Variants in SOX3 observed in about 807,000 individuals in gnomAD.
SOX3 encodes transcription factor SOX-3.
In SOX3, 2 loss-of-function variants were observed where a neutral mutation model predicts 4.6. That is an observed-to-expected ratio of 0.43 (90% CI 0.18 to 1.36). The LOEUF (loss-of-function observed/expected upper bound fraction) is 1.36. Ranked by LOEUF, SOX3 falls within the 40% of genes most tolerant of loss-of-function variation. SOX3 has a pLI of 0.28. For synonymous variants in SOX3, 244 were observed against 215.9 expected (o/e 1.13, Z -1.14); for missense variants, 326 against 441.9 (o/e 0.74, Z 2.35).
chrX:140,503,606 T>C lies in SOX3; in HGVS notation c.*114A>G, dbSNP rs953627076. On this transcript the variant is annotated 3_prime_UTR_variant, in exon 1 of 1. Transcript: ENST00000370536. ...AACTTTCAGCCCTCCCCATCATCGG[T>C]ACAAGGCAACAGTCCCAGGCAAGCA... The C allele has an allele frequency of 2.4e-6, 2 of 817,338 alleles. No individual in the cohort carries two copies. The highest frequency in any genetic ancestry group is 2.3e-5 in the African/African-American group (1 of 43,431). 67.4% of individuals were successfully genotyped at this position (817,338 alleles called of 1,213,427 possible).
In SOX3 at chrX:140,503,405, C is replaced by T. The variant is rs185667392; in HGVS notation, c.*315G>A. ...AACATTTTCAAATGTAACAGAATAA[C>T]CCTGGAACTCAGGAGGAGGAGTGGG... On this transcript the variant is annotated 3_prime_UTR_variant, in exon 1 of 1. Transcript: ENST00000370536. 1.8e-4 allele frequency: 44 copies of T among 245,487 alleles called. No homozygotes were observed. Among genetic ancestry groups the T allele is most frequent in the African/African-American group, 1.2e-3 (42 of 35,677 alleles). 20.2% of individuals were successfully genotyped at this position (245,487 alleles called of 1,213,427 possible).
rs1470104956 is a variant in SOX3 at position 140,503,963 on chromosome X, G to A, written c.1098C>T (p.Ser366=). 5.6e-6 allele frequency: 6 copies of A among 1,065,957 alleles called. No individual in the cohort carries two copies. Among genetic ancestry groups the A allele is most frequent in the Admixed American group, 3.5e-5 (1 of 28,474 alleles). The allele number at this position is 1,065,957 out of a possible 1,213,427, so 87.8% of individuals were successfully genotyped here. ...AAAAAAAAAM[S]LGPMGSVVKS... The stretch of plus-strand genomic sequence containing the variant: ...TCACTACCGAGCCCATGGGGCCCAG[G>A]CTCATGGCGGCTGCGGCCGCAGCTG... The change falls in exon 1 of 1, where the codon AGC becomes AGT. Residue 366 remains serine (S), a synonymous_variant. Coordinates refer to ENST00000370536, the MANE Select transcript of SOX3 (RefSeq NM_005634.3).
chrX:140,504,869 G>A lies in SOX3; in HGVS notation c.192C>T (p.Pro64=). 8.5e-7 allele frequency: 1 copy of A among 1,171,354 alleles called. No individual in the cohort carries two copies. The highest frequency in any genetic ancestry group is 1.1e-6 in the Non-Finnish European group (1 of 874,897). Reference sequence around the variant, plus strand: ...CGGGAAGAAGGTGCGCCAGCGTGGCGGGAGGAGAAGGCGCTCCCGGGGCTG... The same window carrying A: ...CGGGAAGAAGGTGCGCCAGCGTGGCAGGAGGAGAAGGCGCTCCCGGGGCTG... ...AAPAPGAPSP[P]ATLAHLLPAP... The change falls in exon 1 of 1, where the codon CCC becomes CCT. Residue 64 remains proline (P), a synonymous_variant. Coordinates refer to ENST00000370536, the MANE Select transcript of SOX3 (RefSeq NM_005634.3).
Position 140,504,145 on chromosome X carries a change from C to A in SOX3, c.916G>T (p.Gly306Cys). 2.8e-6 allele frequency: 3 copies of A among 1,061,048 alleles called. No individual in the cohort carries two copies. Among genetic ancestry groups the A allele is most frequent in the Non-Finnish European group, 2.4e-6 (2 of 824,555 alleles). The allele number at this position is 1,061,048 out of a possible 1,213,427, so 87.4% of individuals were successfully genotyped here. Residue 306 changes from glycine (G) to cysteine (C), a missense_variant, in exon 1 of 1, where the codon GGC (glycine) becomes TGC (cysteine). Around this residue, in one of 6 missense-constraint regions of SOX3, gnomAD observed 78 missense variants for 70.3 expected, o/e 1.11. Transcript: ENST00000370536. ...GGCATCATTGGGCTGTACTGCAGGC[C>A]GGCCATGTCGTAGCGGTGCATCGGC... ...LPPMHRYDMA[G>C]LQYSPMMPPG...
Position 140,504,659 on chromosome X carries a change from T to C in SOX3, c.402A>G (p.Thr134=), listed in dbSNP as rs202223988. The C allele has an allele frequency of 9.9e-6, 12 of 1,207,772 alleles. No individual in the cohort carries two copies. The Admixed American group carries it at 2.0e-4, about 20-fold the overall frequency. ...SGGASGGGGG[T]DQDRVKRPMN... is the part of the protein sequence containing the mutation. ...TGGGCCGTTTCACACGGTCCTGGTC[T>C]GTACCCCCGCCACCTCCGCTCGCAC... is the stretch of plus-strand genomic sequence containing the variant. Residue 134 remains threonine, a synonymous_variant, in exon 1 of 1, where the codon ACA becomes ACG. Coordinates refer to ENST00000370536, the MANE Select transcript of SOX3 (RefSeq NM_005634.3).
At position 140,504,335 on chromosome X, in the gene SOX3, CGCGGCAGCGGCG is replaced by C; in HGVS notation, c.714_725del (p.Ala245_Ala248del). 1 of 1,073,326 alleles carries C rather than the reference CGCGGCAGCGGCG, an allele frequency of 9.3e-7. No homozygotes were observed. Among genetic ancestry groups the C allele is most frequent in the Non-Finnish European group, 1.2e-6 (1 of 832,481 alleles). The allele number at this position is 1,073,326 out of a possible 1,213,427, so 88.5% of individuals were successfully genotyped here. ...GACTGCTGGCGGCAGCGGCTGCGGC[CGCGGCAGCGGCG>C]GCGGCGGCCGCGGCACCGGGAGGCA... On this transcript the variant is annotated inframe_deletion, in exon 1 of 1. Transcript: ENST00000370536.
Position 140,503,748 on chromosome X carries a change from T to C in SOX3, c.1313A>G (p.Asn438Ser). ...QHYQGAGTAV[N>S]GTVPLTHI ...GATGTGGGTCAGCGGCACCGTTCCG[T>C]TGACTGCAGTCCCGGCGCCCTGGTA... Residue 438 changes from asparagine to serine, a missense_variant, in exon 1 of 1, where the codon AAC becomes AGC. Coordinates refer to ENST00000370536, the MANE Select transcript of SOX3 (RefSeq NM_005634.3). 1 of 1,174,030 alleles carries C rather than the reference T, an allele frequency of 8.5e-7. No homozygotes were observed. Among genetic ancestry groups the C allele is most frequent in the South Asian group, 1.9e-5 (1 of 52,970 alleles).
Position 140,504,207 on chromosome X carries a change from G to T in SOX3, c.854C>A (p.Pro285Gln). ...VQEQLGYAQPPSMSSPPPPPA... is the reference protein window; with the variant it reads ...VQEQLGYAQPQSMSSPPPPPA... The stretch of plus-strand genomic sequence containing the variant: ...CGGCGGCGGCGGGCTGCTCATGCTC[G>T]GGGGCTGCGCGTAGCCCAGCTGCTC... The change falls in exon 1 of 1, where the codon CCG becomes CAG. Residue 285 changes from proline (P) to glutamine (Q), a missense_variant. Transcript: ENST00000370536. The T allele has an allele frequency of 9.1e-7, 1 of 1,099,828 alleles. No individual in the cohort carries two copies. 90.6% of individuals were successfully genotyped at this position (1,099,828 alleles called of 1,213,427 possible). A position where few individuals can be genotyped will look rare whatever the true frequency, so the allele number is the denominator to read the frequency against.
In SOX3 at chrX:140,503,824, C is replaced by T. The variant is rs1206078069; in HGVS notation, c.1237G>A (p.Asp413Asn). ...CCGCCGGGCAGCGGAGAGGCGGCGT[C>T]GGCCGCGTCCCCGCCGGGTGGCAGG... ...MYLPPGGDAA[D>N]AASPLPGGRL... The change falls in exon 1 of 1, where the codon GAC becomes AAC. Residue 413 changes from aspartate to asparagine, a missense_variant. Physicochemically the swap from Asp to Asn is conservative, Grantham distance 23 (BLOSUM62 1). Around this residue, in one of 6 missense-constraint regions of SOX3, gnomAD observed 64 missense variants for 104.5 expected, o/e 0.61. Coordinates refer to ENST00000370536, the MANE Select transcript of SOX3 (RefSeq NM_005634.3). 4 of 1,179,273 alleles carry T rather than the reference C, an allele frequency of 3.4e-6. No individual in the cohort carries two copies. The highest frequency in any genetic ancestry group is 3.5e-5 in the African/African-American group (2 of 57,167).
Position 140,504,905 on chromosome X carries a change from G to T in SOX3, c.156C>A (p.Thr52=). 1 of 1,184,043 alleles carries T rather than the reference G, an allele frequency of 8.4e-7. No homozygotes were observed. The highest frequency in any genetic ancestry group is 1.1e-6 in the Non-Finnish European group (1 of 881,891). The change falls in exon 1 of 1, where the codon ACC becomes ACA. Residue 52 remains threonine (T), a synonymous_variant. Transcript: ENST00000370536. ...SAPTESQGLF[T]VAAPAPGAPS... ...GCGCTCCCGGGGCTGGAGCGGCCAC[G>T]GTGAAAAGGCCCTGGGACTCCGTCG...
rs1927326468 is a variant in SOX3 at position 140,504,323 on chromosome X, A to AGCGGCTGCGGCC, written c.726_737dup (p.Ala245_Ala248dup). 3 of 1,046,724 alleles carry AGCGGCTGCGGCC rather than the reference A, an allele frequency of 2.9e-6. No homozygotes were observed. Among genetic ancestry groups the AGCGGCTGCGGCC allele is most frequent in the Admixed American group, 4.9e-5 (1 of 20,213 alleles). The allele number at this position is 1,046,724 out of a possible 1,213,427, so 86.3% of individuals were successfully genotyped here. A position where few individuals can be genotyped will look rare whatever the true frequency, so the allele number is the denominator to read the frequency against. ...CCACGCCCACCGGACTGCTGGCGGC[A>AGCGGCTGCGGCC]GCGGCTGCGGCCGCGGCAGCGGCGG... is the stretch of plus-strand genomic sequence containing the variant. On this transcript the variant is annotated inframe_insertion, in exon 1 of 1. Coordinates refer to ENST00000370536, the MANE Select transcript of SOX3 (RefSeq NM_005634.3).
At position 140,503,538 on chromosome X, in the gene SOX3, T is replaced by C; in HGVS notation, c.*182A>G. ...CTAGAAGTCCCATTTTCGCTGCTCC[T>C]GACTTATTTTTGCTTTTGTACAAAA... On this transcript the variant is annotated 3_prime_UTR_variant, in exon 1 of 1. Transcript: ENST00000370536. The C allele has an allele frequency of 2.2e-6, 1 of 450,670 alleles. No homozygotes were observed. The highest frequency in any genetic ancestry group is 3.7e-6 in the Non-Finnish European group (1 of 272,397). 37.1% of individuals were successfully genotyped at this position (450,670 alleles called of 1,213,427 possible).
Position 140,504,010 on chromosome X carries a change from G to A in SOX3, c.1051C>T (p.Gln351Ter). The stretch of plus-strand genomic sequence containing the variant: ...GCTGCGGCCGCGGCGGTGGCGGGCT[G>A]CTGCCCGTAGGCGGCGGCCGCGGCT... ...TAAAAAAYGQQPATAAAAAAA... is the reference protein window; with the variant it reads ...TAAAAAAYGQ Residue 351 changes from glutamine (Q) to a stop codon, truncating the protein, a stop_gained, in exon 1 of 1, where the codon CAG becomes TAG. Transcript: ENST00000370536. LOFTEE classifies it high-confidence loss of function. 1 of 981,124 alleles carries A rather than the reference G, an allele frequency of 1.0e-6. No individual in the cohort carries two copies. The highest frequency in any genetic ancestry group is 1.3e-6 in the Non-Finnish European group (1 of 782,313). 80.9% of individuals were successfully genotyped at this position (981,124 alleles called of 1,213,427 possible). A position where few individuals can be genotyped will look rare whatever the true frequency, so the allele number is the denominator to read the frequency against.
chrX:140,503,972 G>T lies in SOX3; in HGVS notation c.1089C>A (p.Ala363=). 9.5e-7 allele frequency: 1 copy of T among 1,050,495 alleles called. No individual in the cohort carries two copies. The highest frequency in any genetic ancestry group is 1.2e-6 in the Non-Finnish European group (1 of 821,834). The allele number at this position is 1,050,495 out of a possible 1,213,427, so 86.6% of individuals were successfully genotyped here. A position where few individuals can be genotyped will look rare whatever the true frequency, so the allele number is the denominator to read the frequency against. The change falls in exon 1 of 1, where the codon GCC becomes GCA. Residue 363 remains alanine (A), a synonymous_variant. Coordinates refer to ENST00000370536, the MANE Select transcript of SOX3 (RefSeq NM_005634.3). Reference sequence around the variant, plus strand: ...AGCCCATGGGGCCCAGGCTCATGGCGGCTGCGGCCGCAGCTGCGGCCGCGG... The same window carrying T: ...AGCCCATGGGGCCCAGGCTCATGGCTGCTGCGGCCGCAGCTGCGGCCGCGG... The part of the protein sequence containing the change: ...ATAAAAAAAA[A]AMSLGPMGSV...
rs1927292647 is a variant in SOX3, at chrX:140,503,414, T to G, written c.*306A>C. On this transcript the variant is annotated 3_prime_UTR_variant, in exon 1 of 1. Transcript: ENST00000370536. ...AAATGTAACAGAATAACCCTGGAAC[T>G]CAGGAGGAGGAGTGGGGGCTGTTTT... 3.8e-6 allele frequency: 1 copy of G among 260,486 alleles called. No individual in the cohort carries two copies. The highest frequency in any genetic ancestry group is 6.8e-6 in the Non-Finnish European group (1 of 146,523). 21.5% of individuals were successfully genotyped at this position (260,486 alleles called of 1,213,427 possible).
chrX:140,505,056 C>T lies in SOX3; in HGVS notation c.5G>A (p.Arg2Gln). Residue 2 changes from arginine (R) to glutamine (Q), a missense_variant, in exon 1 of 1, where the codon CGA becomes CAA. By Grantham distance (43) the Arg-to-Gln change is conservative (BLOSUM62 1). Transcript: ENST00000370536. M[R>Q]PVRENSSGAR... ...ACCTGATGAGTTCTCTCGAACAGGTCGCATTCACAGTCTGCCTGGGCTCTA... is the reference window on the plus strand; with the variant it reads ...ACCTGATGAGTTCTCTCGAACAGGTTGCATTCACAGTCTGCCTGGGCTCTA... 1 of 1,204,270 alleles carries T rather than the reference C, an allele frequency of 8.3e-7. No homozygotes were observed. The highest frequency in any genetic ancestry group is 1.1e-6 in the Non-Finnish European group (1 of 892,041).
At position 140,504,088 on chromosome X, in the gene SOX3, C is replaced by G; in HGVS notation, c.973G>C (p.Ala325Pro). The part of the protein sequence containing the change: ...PGAQSYMNVA[A>P]AAAAASGYGG... ...TAGCCCGAGGCGGCGGCGGCCGCGG[C>G]AGCGACGTTCATGTAGCTCTGAGCG... is the stretch of plus-strand genomic sequence containing the variant. Residue 325 changes from alanine to proline, a missense_variant, in exon 1 of 1, where the codon GCC becomes CCC. Coordinates refer to ENST00000370536, the MANE Select transcript of SOX3 (RefSeq NM_005634.3). The G allele has an allele frequency of 1.0e-6, 1 of 1,004,770 alleles. No individual in the cohort carries two copies. 82.8% of individuals were successfully genotyped at this position (1,004,770 alleles called of 1,213,427 possible).
chrX:140,504,894 G>A lies in SOX3; in HGVS notation c.167C>T (p.Pro56Leu), dbSNP rs1486357022. 4.2e-6 allele frequency: 5 copies of A among 1,177,638 alleles called. No individual in the cohort carries two copies. The South Asian group carries it at 7.5e-5, about 18-fold the overall frequency. ...ESQGLFTVAAPAPGAPSPPAT... is the reference protein window; with the variant it reads ...ESQGLFTVAALAPGAPSPPAT... ...GGGAGGAGAAGGCGCTCCCGGGGCT[G>A]GAGCGGCCACGGTGAAAAGGCCCTG... Residue 56 changes from proline (P) to leucine (L), a missense_variant, in exon 1 of 1, where the codon CCA (proline) becomes CTA (leucine). Coordinates refer to ENST00000370536, the MANE Select transcript of SOX3 (RefSeq NM_005634.3).
rs1420557443 is a variant in SOX3, at chrX:140,504,382, T to C, written c.679A>G (p.Ser227Gly). 3.3e-6 allele frequency: 4 copies of C among 1,194,689 alleles called. No homozygotes were observed. The highest frequency in any genetic ancestry group is 4.5e-6 in the Non-Finnish European group (4 of 888,023). Residue 227 changes from serine to glycine, a missense_variant, in exon 1 of 1, where the codon AGC (serine) becomes GGC (glycine). By Grantham distance (56) the Ser-to-Gly change is moderately conservative (BLOSUM62 0). Transcript: ENST00000370536. The stretch of plus-strand genomic sequence containing the variant: ...GCGGCACCGGGAGGCAGGAGGCCGC[T>C]GGGCAGGGAGTACTTATCTTTCTTG... ...LLKKDKYSLPSGLLPPGAAAA... is the reference protein window; with the variant it reads ...LLKKDKYSLPGGLLPPGAAAA...
Sources: allele counts gnomAD v4.1 joint callset, GRCh38; gene constraint gnomAD v4.1.1; regional missense constraint gnomAD v4.1.1; transcripts MANE v1.5; gene names NCBI Gene and HGNC (gene_info 2026-07-23, HGNC 2026-07-21).